Variants in GALNT13 observed in about 807,000 individuals in gnomAD.
GALNT13 encodes the protein polypeptide N-acetylgalactosaminyltransferase 13.
In GALNT13, 28 loss-of-function variants were observed where a neutral mutation model predicts 64.2. That is an observed-to-expected ratio of 0.44 (90% CI 0.32 to 0.60). The LOEUF (loss-of-function observed/expected upper bound fraction) is 0.60. Ranked by LOEUF, GALNT13 falls within the 20% of genes least tolerant of loss-of-function variation. GALNT13 has a pLI of 0.05. For missense variants in GALNT13, 577 were observed against 669.8 expected (o/e 0.86, Z 1.53); for synonymous variants, 214 against 224.6 (o/e 0.95, Z 0.42).
chr2:153,470,615 C>T, the GALNT13 span, among the ~76,000 whole-genome samples: 1 of 152,074 alleles, frequency 6.6e-6, no homozygotes, highest in Non-Finnish European at 1.5e-5. Context: ...TTCTTTCATG[C>T]GTGATGCACC....
chr2:153,763,242 A>G, the GALNT13 span, among the ~76,000 whole-genome samples: 3 of 152,042 alleles, frequency 2.0e-5, no homozygotes, highest in Non-Finnish European at 4.4e-5. Context: ...TGTATGTTCA[A>G]GTTAATAATT....
At chr2:153,923,053 C>T (rs1206765773) in intron 2 of GALNT13, among the ~76,000 whole-genome samples, 1 of 151,964 alleles carries the variant, frequency 6.6e-6, no homozygotes, top group Non-Finnish European at 1.5e-5. Context: ...GCGCCTGCCA[C>T]AGTGCTTGGC....
intron 12 of GALNT13, among the ~76,000 whole-genome samples, chr2:154,443,425 C>T (rs1701405103): frequency 6.6e-6 from 1 of 151,714 alleles, no homozygotes; most frequent in African/African-American, 2.4e-5. Context: ...CAGAAGAACT[C>T]CTATTATCTT....
At chr2:153,864,733 C>T in the GALNT13 span, among the ~76,000 whole-genome samples, 1,574 of 150,866 alleles carry the variant, frequency 0.01, 29 homozygotes, top group African/African-American at 0.036. Flanking sequence ...GGCCATACTG[C>T]CCAAGGTAAT....
intron 8 of GALNT13, among the ~76,000 whole-genome samples, chr2:154,283,441 G>T (rs145468932): frequency 6.6e-6 from 1 of 151,808 alleles, no homozygotes; most frequent in Non-Finnish European, 1.5e-5. Flanking sequence ...GCACTGATAT[G>T]AGCTAAACTT....
intron 9 of GALNT13, among the ~76,000 whole-genome samples, chr2:154,318,429 G>A (rs947204464): frequency 6.6e-6 from 1 of 152,080 alleles, no homozygotes; most frequent in African/African-American, 2.4e-5. Context: ...AAGAAATTTA[G>A]AAATTATTAG....
chr2:154,118,927 G>C (rs1203083474), intron 3 of GALNT13, among the ~76,000 whole-genome samples: 1 of 151,936 alleles, frequency 6.6e-6, no homozygotes, highest in East Asian at 1.9e-4. Context: ...TTTCGCTATA[G>C]TTGTTGTTTT....
At chr2:154,382,105 A>G (rs1698299616) in intron 9 of GALNT13, among the ~76,000 whole-genome samples, 1 of 152,082 alleles carries the variant, frequency 6.6e-6, no homozygotes, top group Non-Finnish European at 1.5e-5. Context: ...CATTACACAC[A>G]TGTTGTTTCC....
At chr2:153,557,844 C>T in the GALNT13 span, among the ~76,000 whole-genome samples, 1 of 152,120 alleles carries the variant, frequency 6.6e-6, no homozygotes, top group Non-Finnish European at 1.5e-5. Flanking sequence ...TATCTGACCT[C>T]CTTTAGCTGC....
At chr2:153,627,680 C>T in the GALNT13 span, among the ~76,000 whole-genome samples, 41 of 152,028 alleles carry the variant, frequency 2.7e-4, no homozygotes, top group Non-Finnish European at 4.4e-5. Context: ...TCAGACAAGG[C>T]CATTGTGCAG....
At chr2:153,823,223 C>T in the GALNT13 span, among the ~76,000 whole-genome samples, 1 of 152,252 alleles carries the variant, frequency 6.6e-6, no homozygotes, top group South Asian at 2.1e-4. Context: ...AGATTCAAAG[C>T]TATTCCTATC....
At chr2:154,117,441 C>G (rs542560480) in intron 3 of GALNT13, among the ~76,000 whole-genome samples, 39 of 152,296 alleles carry the variant, frequency 2.6e-4, no homozygotes, top group African/African-American at 8.4e-4. Flanking sequence ...TACCCTGCAT[C>G]TCCAAAGTTC....
intron 1 of GALNT13, among the ~76,000 whole-genome samples, chr2:153,891,819 G>T (rs915377228): frequency 1.3e-5 from 2 of 149,846 alleles, no homozygotes; most frequent in Admixed American, 6.6e-5. Flanking sequence ...CCTTCTTAGA[G>T]ATCTATTCCA....
intron 4 of GALNT13, among the ~76,000 whole-genome samples, chr2:154,165,962 A>G (rs1001104744): frequency 6.6e-6 from 1 of 152,316 alleles, no homozygotes; most frequent in South Asian, 2.1e-4. Context: ...CAAGGTGTTT[A>G]TTATTTAAAG....
intron 3 of GALNT13, among the ~76,000 whole-genome samples, chr2:154,001,177 C>T (rs913179122): frequency 4.0e-5 from 6 of 151,818 alleles, no homozygotes; most frequent in Non-Finnish European, 5.9e-5. Flanking sequence ...CTTTGTGCAT[C>T]TTTAAAGGTG....
At chr2:153,552,831 C>T in the GALNT13 span, among the ~76,000 whole-genome samples, 81 of 152,150 alleles carry the variant, frequency 5.3e-4, no homozygotes, top group Middle Eastern at 3.4e-3. Flanking sequence ...GCATTAGATT[C>T]TCATAAGGAG....
the GALNT13 span, among the ~76,000 whole-genome samples, chr2:153,807,166 C>T: frequency 6.6e-6 from 1 of 152,086 alleles, no homozygotes; most frequent in Non-Finnish European, 1.5e-5. Flanking sequence ...CCTCTTCTCT[C>T]ATAAGTTATC....
At chr2:153,560,346 A>AT in the GALNT13 span, among the ~76,000 whole-genome samples, 203 of 152,044 alleles carry the variant, frequency 1.3e-3, no homozygotes, top group African/African-American at 4.5e-3. Context: ...TACTTCTATG[A>AT]TTTTTTCTTG....
the GALNT13 span, among the ~76,000 whole-genome samples, chr2:153,450,678 T>A: frequency 1.3e-5 from 2 of 152,046 alleles, no homozygotes; most frequent in African/African-American, 2.4e-5. Flanking sequence ...CACATATCAG[T>A]CAGTCTTCCA....
Sources: allele counts gnomAD v4.1 joint callset (sites outside exome capture counted in the v4.1 genomes callset), GRCh38; gene constraint gnomAD v4.1.1; transcripts MANE v1.5; gene names NCBI Gene and HGNC (gene_info 2026-07-23, HGNC 2026-07-21).